Variants in ZW10 observed in about 807,000 individuals in gnomAD.
The protein encoded by ZW10 is zw10 kinetochore protein.
Under a neutral mutation model 87.8 loss-of-function variants are expected in ZW10, and 53 were observed. The ratio of observed to expected loss-of-function variants is 0.60; its 90% CI spans 0.48 to 0.76. ZW10 has a LOEUF of 0.76. ZW10 is among the 30% of genes least tolerant of loss of function. The probability of loss-of-function intolerance (pLI) is 0.00; values close to 1 mark genes in which losing one functional copy is unlikely to be tolerated. For synonymous variants in ZW10, 312 were observed against 329.2 expected (o/e 0.95, Z 0.57); for missense variants, 837 against 923.0 (o/e 0.91, Z 1.21).
At chr11:113,739,433 C>T in intron 11 of ZW10, 51 bp from the exon 12 acceptor site, 1 of 1,518,372 alleles carries the variant, frequency 6.6e-7, no homozygotes, top group Non-Finnish European at 8.9e-7. Context: ...GTTACTGAAG[C>T]TGGGGTTGAT....
intron 2 of ZW10, 96 bp from the exon 3 acceptor site, chr11:113,761,014 A>T: frequency 1.1e-6 from 1 of 892,426 alleles, no homozygotes; most frequent in Non-Finnish European, 1.7e-6. Flanking sequence ...AGGTCAACAT[A>T]ATTTATGTTG....
At chr11:113,749,671 T>A (rs1274847806) in intron 7 of ZW10, among the ~76,000 whole-genome samples, 1 of 152,272 alleles carries the variant, frequency 6.6e-6, no homozygotes, top group Non-Finnish European at 1.5e-5. Flanking sequence ...GAAAATTCAG[T>A]GGAGGCACGA....
At position 113,752,385 on chromosome 11, in the gene ZW10, T is replaced by G. The variant is rs140421231; in HGVS notation, c.926-3965A>C. 7.3e-4 allele frequency among the ~76,000 whole-genome samples: 111 copies of G among 152,280 alleles called. No homozygotes were observed. The East Asian group carries it at 0.02, about 27-fold the overall frequency. On this transcript the variant is annotated intron_variant, in intron 7 of 15. Coordinates refer to ENST00000200135, the MANE Select transcript of ZW10 (RefSeq NM_004724.4). Reference sequence around the variant, plus strand: ...GCCCTAGCCCCCAATGTGACTAGATTTGGATATACAGGCATACTTCATTTT... The same window carrying G: ...GCCCTAGCCCCCAATGTGACTAGATGTGGATATACAGGCATACTTCATTTT...
rs531255271 is a variant in ZW10 at position 113,743,889 on chromosome 11, G to A, written c.1424C>T (p.Pro475Leu). The A allele has an allele frequency of 3.1e-6, 5 of 1,614,070 alleles. No homozygotes were observed. In the African/African-American group the frequency reaches 5.3e-5, roughly 17 times the overall value. The change falls in exon 10 of 16, where the codon CCC becomes CTC. Residue 475 changes from proline to leucine, a missense_variant. Transcript: ENST00000200135. Reference sequence around the variant, plus strand: ...CACAGACTCACTGATACGGCATGTGGGCAAGGAAAAGGAATGTTGGTCCAA... The same window carrying A: ...CACAGACTCACTGATACGGCATGTGAGCAAGGAAAAGGAATGTTGGTCCAA... Reference protein sequence around the residue: ...NTLDQHSFSLPTCRISESVKK... With the variant: ...NTLDQHSFSLLTCRISESVKK...
chr11:113,751,180 A>C (rs1305384462), intron 7 of ZW10: 1 of 244,312 alleles, frequency 4.1e-6, no homozygotes, highest in Non-Finnish European at 8.7e-6. Context: ...GCACACATTG[A>C]GGCCATATTT....
At chr11:113,772,361 T>A in intron 1 of ZW10, among the ~76,000 whole-genome samples, 1 of 152,182 alleles carries the variant, frequency 6.6e-6, no homozygotes, top group East Asian at 1.9e-4. Flanking sequence ...AAAGAAGAGA[T>A]GTCAGGGATA....
At chr11:113,737,453 AAAC>A (rs1171657332) in intron 14 of ZW10, 116 bp downstream of exon 14, 2 of 1,143,470 alleles carry the variant, frequency 1.7e-6, no homozygotes, top group Admixed American at 2.5e-5. Context: ...AAAAAAAAAA[AAAC>A]AGCATGAGTT....
At chr11:113,770,885 G>A (rs1953958081) in intron 1 of ZW10, among the ~76,000 whole-genome samples, 2 of 150,450 alleles carry the variant, frequency 1.3e-5, no homozygotes. Context: ...TGATTTCCCT[G>A]CAGGTTCTAG....
chr11:113,738,438 T>C (rs1953577097), intron 12 of ZW10, 44 bp from the exon 13 acceptor site: 3 of 1,592,714 alleles, frequency 1.9e-6, no homozygotes, highest in Non-Finnish European at 2.6e-6. Context: ...AGCTGCTCAA[T>C]TACACACTGC....
At position 113,733,581 on chromosome 11, in the gene ZW10, A is replaced by G. The variant is rs1382041828; in HGVS notation, c.*113T>C. The G allele has an allele frequency of 2.8e-6, 4 of 1,446,820 alleles. No individual in the cohort carries two copies. In the Admixed American group the frequency reaches 5.3e-5, roughly 19 times the overall value. The allele number at this position is 1,446,820 out of a possible 1,614,324, so 89.6% of individuals were successfully genotyped here. On this transcript the variant is annotated 3_prime_UTR_variant, in exon 16 of 16. Transcript: ENST00000200135. ...GTTCTTCTGTAAAGTCAAACTTCCAAGATGTACTGGTTCACCAAAACCAAT... is the reference window on the plus strand; with the variant it reads ...GTTCTTCTGTAAAGTCAAACTTCCAGGATGTACTGGTTCACCAAAACCAAT...
At chr11:113,754,567 C>A (rs1371781201) in intron 7 of ZW10, among the ~76,000 whole-genome samples, 1 of 152,028 alleles carries the variant, frequency 6.6e-6, no homozygotes, top group Non-Finnish European at 1.5e-5. Context: ...TGGATGGCAA[C>A]ACATCTACAA....
In ZW10 at chr11:113,733,538, C is replaced by T; in HGVS notation, c.*156G>A. 1.1e-6 allele frequency: 1 copy of T among 891,702 alleles called. No homozygotes were observed. The highest frequency in any genetic ancestry group is 1.7e-6 in the Non-Finnish European group (1 of 580,994). The allele number at this position is 891,702 out of a possible 1,614,324, so 55.2% of individuals were successfully genotyped here. ...AACAGTTCTTAAACAAAGCCTCGTACAGGCCAGGAGGTAAGACGTTCTTCT... is the reference window on the plus strand; with the variant it reads ...AACAGTTCTTAAACAAAGCCTCGTATAGGCCAGGAGGTAAGACGTTCTTCT... On this transcript the variant is annotated 3_prime_UTR_variant, in exon 16 of 16. Transcript: ENST00000200135.
At chr11:113,765,432 G>A (rs1045843596) in intron 2 of ZW10, among the ~76,000 whole-genome samples, 5 of 152,170 alleles carry the variant, frequency 3.3e-5, no homozygotes, top group Non-Finnish European at 5.9e-5. Flanking sequence ...CAGAAGTAAT[G>A]TGTACCACTT....
At chr11:113,773,540 C>T (rs778387896) in intron 1 of ZW10, 22 bp downstream of exon 1, 33 of 1,604,884 alleles carry the variant, frequency 2.1e-5, no homozygotes, top group Admixed American at 3.3e-5. Flanking sequence ...TTCCAGTCAG[C>T]AGACAGCTGC....
intron 6 of ZW10, 73 bp from the exon 7 acceptor site, chr11:113,757,926 C>A: frequency 7.8e-7 from 1 of 1,289,854 alleles, no homozygotes; most frequent in Non-Finnish European, 1.0e-6. Context: ...TGGCTTACAT[C>A]TGTAATCCCA....
chr11:113,736,819 T>A lies in ZW10; in HGVS notation c.2020A>T (p.Ile674Leu), dbSNP rs191062816. The change falls in exon 15 of 16, where the codon ATA becomes TTA. Residue 674 changes from isoleucine to leucine, a missense_variant. Physicochemically the swap from Ile to Leu is conservative, Grantham distance 5 (BLOSUM62 2). Coordinates refer to ENST00000200135, the MANE Select transcript of ZW10 (RefSeq NM_004724.4). ...AACCTATCACCATCTTCAGTAGATA[T>A]GTCCTGGTTTTGCACAGAGGAAACA... ...VIGKITALED[I>L]STEDGDRLYS... 6.2e-7 allele frequency: 1 copy of A among 1,614,116 alleles called. No individual in the cohort carries two copies. The highest frequency in any genetic ancestry group is 2.2e-5 in the East Asian group (1 of 44,874).
intron 11 of ZW10, among the ~76,000 whole-genome samples, chr11:113,741,322 C>A (rs1282889135): frequency 1.3e-5 from 2 of 152,046 alleles, no homozygotes; most frequent in Non-Finnish European, 2.9e-5. Context: ...TAAGGAATAG[C>A]TTTGTTGACA....
intron 10 of ZW10, among the ~76,000 whole-genome samples, chr11:113,743,230 G>C (rs1182352377): frequency 6.6e-6 from 1 of 152,114 alleles, no homozygotes; most frequent in Non-Finnish European, 1.5e-5. Flanking sequence ...TCTACCTTTG[G>C]CTGCCTAACA....
intron 13 of ZW10, 102 bp downstream of exon 13, chr11:113,738,162 C>T: frequency 1.5e-6 from 2 of 1,328,502 alleles, no homozygotes; most frequent in Non-Finnish European, 2.0e-6. Flanking sequence ...AGGGAATCAA[C>T]TGAATACTTG....
Sources: allele counts gnomAD v4.1 joint callset (sites outside exome capture counted in the v4.1 genomes callset), GRCh38; gene constraint gnomAD v4.1.1; transcripts MANE v1.5; gene names NCBI Gene and HGNC (gene_info 2026-07-23, HGNC 2026-07-21).